ST6GAL1: variants seen among roughly 807,000 people sequenced by gnomAD.
The protein encoded by ST6GAL1 is beta-galactoside alpha-2,6-sialyltransferase 1.
A neutral mutation model predicts 38.0 loss-of-function variants in ST6GAL1; 20 were observed. That is an observed-to-expected ratio of 0.53 (90% CI 0.37 to 0.77). ST6GAL1 has a LOEUF of 0.77. Ranked by LOEUF, ST6GAL1 falls within the 30% of genes least tolerant of loss-of-function variation. The pLI is 0.00. For missense variants in ST6GAL1, 432 were observed against 496.4 expected (o/e 0.87, Z 1.23); for synonymous variants, 196 against 188.2 (o/e 1.04, Z -0.34).
intron 3 of ST6GAL1, among the ~76,000 whole-genome samples, chr3:187,040,889 G>A (rs1366264976): frequency 6.6e-6 from 1 of 152,216 alleles, no homozygotes; most frequent in Non-Finnish European, 1.5e-5. Flanking sequence ...TGAGGTCTGG[G>A]ATGGTGGAAG....
chr3:187,025,011 G>C (rs1049957927), intron 2 of ST6GAL1, among the ~76,000 whole-genome samples: 6 of 151,084 alleles, frequency 4.0e-5, no homozygotes, highest in South Asian at 2.1e-4. Flanking sequence ...GTGTGTGTGT[G>C]TGTGTGTGTC....
chr3:186,977,421 T>C (rs1424206134), intron 2 of ST6GAL1, among the ~76,000 whole-genome samples: 9 of 152,224 alleles, frequency 5.9e-5, no homozygotes, highest in Admixed American at 5.9e-4. Context: ...CATTTTAGAC[T>C]GTTGGCCAGA....
At chr3:187,068,618 T>C (rs933203771) in intron 5 of ST6GAL1, among the ~76,000 whole-genome samples, 2 of 152,202 alleles carry the variant, frequency 1.3e-5, no homozygotes, top group Non-Finnish European at 2.9e-5. Context: ...GTGCATCTCT[T>C]GGAATTTCTG....
At chr3:186,988,504 A>G (rs1198300469) in intron 2 of ST6GAL1, among the ~76,000 whole-genome samples, 1 of 146,496 alleles carries the variant, frequency 6.8e-6, no homozygotes, top group Non-Finnish European at 1.5e-5. Flanking sequence ...TATAAATGTA[A>G]AGACCTAGCT....
intron 4 of ST6GAL1, among the ~76,000 whole-genome samples, chr3:187,048,873 A>T (rs2108585016): frequency 7.1e-6 from 1 of 140,914 alleles, no homozygotes; most frequent in East Asian, 2.0e-4. Context: ...TGTCCCTGAG[A>T]AATTGAATTT....
At chr3:187,001,564 G>T (rs1413394037) in intron 2 of ST6GAL1, among the ~76,000 whole-genome samples, 1 of 152,056 alleles carries the variant, frequency 6.6e-6, no homozygotes. Context: ...TGTAAAATGG[G>T]ATTATGGCAT....
intron 2 of ST6GAL1, among the ~76,000 whole-genome samples, chr3:187,016,205 C>T (rs1437977989): frequency 3.9e-5 from 6 of 152,216 alleles, no homozygotes; most frequent in Non-Finnish European, 8.8e-5. Flanking sequence ...AAATAACCAT[C>T]TTCCACCCCA....
At chr3:186,981,545 G>T (rs1051847195) in intron 2 of ST6GAL1, among the ~76,000 whole-genome samples, 1 of 152,190 alleles carries the variant, frequency 6.6e-6, no homozygotes, top group Non-Finnish European at 1.5e-5. Flanking sequence ...ATCTAGATCC[G>T]CTGTCATGCC....
chr3:187,026,065 C>CA (rs1717526055), intron 2 of ST6GAL1, among the ~76,000 whole-genome samples: 1 of 152,168 alleles, frequency 6.6e-6, no homozygotes, highest in Non-Finnish European at 1.5e-5. Context: ...AAACACTTGC[C>CA]AACAGTCACA....
intron 2 of ST6GAL1, among the ~76,000 whole-genome samples, chr3:187,038,197 C>CTTTT (rs1185371884): frequency 3.8e-4 from 34 of 88,540 alleles, no homozygotes; most frequent in African/African-American, 6.3e-4. Flanking sequence ...AAGTCTATTT[C>CTTTT]TTTTTTTTTT....
intron 1 of ST6GAL1, among the ~76,000 whole-genome samples, chr3:186,934,195 C>T (rs987258304): frequency 2.6e-5 from 4 of 152,256 alleles, no homozygotes; most frequent in South Asian, 2.1e-4. Context: ...ATGCTCAGGC[C>T]ATAGGAGGGG....
chr3:186,989,985 G>A (rs1479702863), intron 2 of ST6GAL1, among the ~76,000 whole-genome samples: 1 of 152,216 alleles, frequency 6.6e-6, no homozygotes, highest in African/African-American at 2.4e-5. Flanking sequence ...AAGCTTTGGA[G>A]TTAGATGAGT....
At chr3:186,990,125 C>G (rs962465963) in intron 2 of ST6GAL1, among the ~76,000 whole-genome samples, 7 of 152,232 alleles carry the variant, frequency 4.6e-5, no homozygotes, top group African/African-American at 1.7e-4. Context: ...CCTGTGCTTC[C>G]CAGGTTCAAG....
chr3:187,068,153 T>G (rs970230463), intron 5 of ST6GAL1, among the ~76,000 whole-genome samples: 1 of 151,884 alleles, frequency 6.6e-6, no homozygotes, highest in African/African-American at 2.4e-5. Context: ...CCATCCTGGC[T>G]AACACAGTGA....
In ST6GAL1 at chr3:186,997,684, G is replaced by A. The variant is rs147525843; in HGVS notation, c.-183+33758G>A. ...AGGCGAGAGGATCACTTGAGCCTGC[G>A]AGATCGAGGCTGCAGTGAGCCGCAA... On this transcript the variant is annotated intron_variant, in intron 2 of 7. Transcript: ENST00000169298. Among the ~76,000 whole-genome samples, 761 of 152,138 alleles carry A rather than the reference G, an allele frequency of 5.0e-3. 9 individuals carry two copies. Among genetic ancestry groups the A allele is most frequent in the African/African-American group, 0.017 (717 of 41,498 alleles).
chr3:187,042,918 A>G lies in ST6GAL1; in HGVS notation c.215A>G (p.His72Arg), dbSNP rs773452361. Residue 72 changes from histidine (H) to arginine (R), a missense_variant, in exon 4 of 8, where the codon CAC (histidine) becomes CGC (arginine). Physicochemically the swap from His to Arg is conservative, Grantham distance 29 (BLOSUM62 0). Transcript: ENST00000169298. ...TCCTCAAGCAGCACCCAGGACCCCCACAGGGGCCGCCAGACCCTCGGCAGT... is the reference window on the plus strand; with the variant it reads ...TCCTCAAGCAGCACCCAGGACCCCCGCAGGGGCCGCCAGACCCTCGGCAGT... ...SVSSSSTQDP[H>R]RGRQTLGSLR... The G allele has an allele frequency of 6.2e-7, 1 of 1,614,218 alleles. No homozygotes were observed. Among genetic ancestry groups the G allele is most frequent in the East Asian group, 2.2e-5 (1 of 44,892 alleles).
At chr3:186,994,372 T>G (rs1269877921) in intron 2 of ST6GAL1, among the ~76,000 whole-genome samples, 2 of 152,188 alleles carry the variant, frequency 1.3e-5, no homozygotes, top group African/African-American at 4.8e-5. Context: ...TGAAGACAAT[T>G]ACTTCTTCTG....
chr3:186,994,757 A>G (rs1470205137), intron 2 of ST6GAL1, among the ~76,000 whole-genome samples: 3 of 152,182 alleles, frequency 2.0e-5, no homozygotes, highest in African/African-American at 7.2e-5. Context: ...CAGCCTGGCC[A>G]ACATGATGAA....
At chr3:186,947,986 C>T (rs1339127431) in intron 1 of ST6GAL1, among the ~76,000 whole-genome samples, 1 of 152,212 alleles carries the variant, frequency 6.6e-6, no homozygotes, top group Non-Finnish European at 1.5e-5. Context: ...AACTGCTTCC[C>T]TGACTCAGTT....
Sources: gnomAD v4.1 joint callset for allele counts (sites outside exome capture counted in the v4.1 genomes callset) on GRCh38, gnomAD v4.1.1 for gene constraint, MANE v1.5 for transcripts, NCBI Gene and HGNC (gene_info 2026-07-23, HGNC 2026-07-21) for gene names.